The following LRRTM4 variants were observed in gnomAD, a reference collection of about 807,000 sequenced individuals.
LRRTM4 encodes leucine-rich repeat transmembrane neuronal protein 4.
LRRTM4 carries 25 observed loss-of-function variants against 47.6 expected under a neutral mutation model. The ratio of observed to expected loss-of-function variants is 0.53; its 90% CI spans 0.38 to 0.73. LRRTM4 has a LOEUF of 0.73. Among genes scored for constraint, LRRTM4 ranks in the 30% least tolerant of loss-of-function variants. The probability of loss-of-function intolerance (pLI) is 0.00; values close to 1 mark genes in which losing one functional copy is unlikely to be tolerated. For synonymous variants in LRRTM4, 311 were observed against 269.5 expected, an observed-to-expected ratio of 1.15 and a Z score of -1.51; for missense variants, 638 against 713.4, an observed-to-expected ratio of 0.89 and a Z score of 1.20.
chr2:77,382,403 G>C (rs1673088959), intron 3 of LRRTM4, among the ~76,000 whole-genome samples: 1 of 151,998 alleles, frequency 6.6e-6, no homozygotes, highest in Non-Finnish European at 1.5e-5. Context: ...ATTATCTGTG[G>C]AACTCTAAAG....
chr2:77,024,450 T>A (rs1170573512), intron 3 of LRRTM4, among the ~76,000 whole-genome samples: 1 of 150,360 alleles, frequency 6.7e-6, no homozygotes, highest in Non-Finnish European at 1.5e-5. Flanking sequence ...TATTCCAGCA[T>A]CCTACCTCAC....
chr2:77,490,511 T>C (rs1678103758), intron 3 of LRRTM4, among the ~76,000 whole-genome samples: 1 of 152,170 alleles, frequency 6.6e-6, no homozygotes, highest in African/African-American at 2.4e-5. Flanking sequence ...AGCAGTACTT[T>C]CTGGGAGGTG....
At chr2:77,109,913 A>G (rs978634899) in intron 3 of LRRTM4, among the ~76,000 whole-genome samples, 2 of 152,140 alleles carry the variant, frequency 1.3e-5, no homozygotes, top group Non-Finnish European at 2.9e-5. Flanking sequence ...ATAAATTGAA[A>G]GACAGATGTG....
intron 3 of LRRTM4, among the ~76,000 whole-genome samples, chr2:77,066,888 A>G (rs74606959): frequency 0.047 from 7,189 of 152,320 alleles, 200 homozygotes; most frequent in South Asian, 0.082. Flanking sequence ...TCCAGTACCC[A>G]TGCATGGCTG....
chr2:77,411,984 G>A (rs403085), intron 3 of LRRTM4, among the ~76,000 whole-genome samples: 13,502 of 152,036 alleles, frequency 0.089, 692 homozygotes, highest in Non-Finnish European at 0.11. Flanking sequence ...CTTGATTTTA[G>A]GAATGAACTG....
chr2:77,184,629 G>T (rs1267635617), intron 3 of LRRTM4, among the ~76,000 whole-genome samples: 1 of 151,988 alleles, frequency 6.6e-6, no homozygotes, highest in African/African-American at 2.4e-5. Context: ...CCTTAGATAG[G>T]TTCTGGGTCA....
intron 3 of LRRTM4, among the ~76,000 whole-genome samples, chr2:77,183,640 A>G (rs933115401): frequency 9.8e-5 from 15 of 152,294 alleles, no homozygotes; most frequent in African/African-American, 3.4e-4. Context: ...ACGTATGTTT[A>G]TTGTGGCACT....
intron 3 of LRRTM4, among the ~76,000 whole-genome samples, chr2:76,789,767 G>C (rs1674873170): frequency 6.6e-6 from 1 of 152,148 alleles, no homozygotes; most frequent in African/African-American, 2.4e-5. Context: ...GTTTCAAAGA[G>C]ATGGAAGTCA....
chr2:77,288,357 T>A (rs1676721377), intron 3 of LRRTM4, among the ~76,000 whole-genome samples: 1 of 151,768 alleles, frequency 6.6e-6, no homozygotes, highest in African/African-American at 2.4e-5. Flanking sequence ...AAAACTTGTT[T>A]GAAAAACAGT....
rs945080483 is a variant in LRRTM4 at position 76,943,759 on chromosome 2, A to G, written c.1552-194843T>C. Among the ~76,000 whole-genome samples the G allele has an allele frequency of 5.9e-5, 9 of 152,306 alleles. No homozygotes were observed. The East Asian group carries it at 1.7e-3, about 30-fold the overall frequency. Reference sequence around the variant, plus strand: ...CAAATCTACTTCTCCTCTATTATGCATCTGAATTATTAGCATGTAATCCAC... The same window carrying G: ...CAAATCTACTTCTCCTCTATTATGCGTCTGAATTATTAGCATGTAATCCAC... On this transcript the variant is annotated intron_variant, in intron 3 of 3. Transcript: ENST00000409884.
At chr2:76,957,168 C>A (rs961178200) in intron 3 of LRRTM4, among the ~76,000 whole-genome samples, 4 of 151,494 alleles carry the variant, frequency 2.6e-5, no homozygotes, top group Admixed American at 2.0e-4. Flanking sequence ...GATAGAAGGA[C>A]AAAAAATGCA....
chr2:77,485,460 T>G (rs1467255013), intron 3 of LRRTM4, among the ~76,000 whole-genome samples: 2 of 152,188 alleles, frequency 1.3e-5, no homozygotes, highest in African/African-American at 4.8e-5. Context: ...CAAGATATTT[T>G]TATATAGTTG....
intron 3 of LRRTM4, among the ~76,000 whole-genome samples, chr2:76,960,782 G>A (rs1433251327): frequency 6.6e-6 from 1 of 151,354 alleles, no homozygotes; most frequent in African/African-American, 2.4e-5. Context: ...TTTTTATATA[G>A]TTGCTTAAAT....
In LRRTM4 at chr2:76,965,037, A is replaced by T. The variant is rs1276169436; in HGVS notation, c.1552-216121T>A. ...CCATATCTATTAATGAAATTGAATA[A>T]ATGATTAATAACCTTCCAACCTTCC... On this transcript the variant is annotated intron_variant, in intron 3 of 3. Transcript: ENST00000409884. Among the ~76,000 whole-genome samples, 7 of 151,092 alleles carry T rather than the reference A, an allele frequency of 4.6e-5. No individual in the cohort carries two copies. The South Asian group carries it at 1.4e-3, about 31-fold the overall frequency.
At chr2:76,990,386 T>C (rs1346496719) in intron 3 of LRRTM4, among the ~76,000 whole-genome samples, 1 of 151,672 alleles carries the variant, frequency 6.6e-6, no homozygotes, top group Non-Finnish European at 1.5e-5. Flanking sequence ...GCAAGACCCA[T>C]CTGTCTGCTG....
chr2:76,820,235 C>G (rs1465317813), intron 3 of LRRTM4, among the ~76,000 whole-genome samples: 1 of 151,814 alleles, frequency 6.6e-6, no homozygotes, highest in East Asian at 1.9e-4. Context: ...GTTGGATAAT[C>G]TACTTTGTCC....
In LRRTM4 at chr2:77,519,931, C is replaced by T; in HGVS notation, c.5-67G>A. 1 of 1,472,424 alleles carries T rather than the reference C, an allele frequency of 6.8e-7. No individual in the cohort carries two copies. The highest frequency in any genetic ancestry group is 2.5e-5 in the East Asian group (1 of 40,354). The allele number at this position is 1,472,424 out of a possible 1,614,324, so 91.2% of individuals were successfully genotyped here. On this transcript the variant is annotated intron_variant, in intron 2 of 3. Coordinates refer to ENST00000409884, the MANE Select transcript of LRRTM4 (RefSeq NM_001134745.3). The surrounding 1 kb of genome is among the most constrained non-coding windows in gnomAD (Gnocchi z 4.6). Reference sequence around the variant, plus strand: ...TTAAAATAAATCACCGTCGGTTTACCAACAACAGGGGCATTTCCTCTAGTG... The same window carrying T: ...TTAAAATAAATCACCGTCGGTTTACTAACAACAGGGGCATTTCCTCTAGTG...
chr2:77,341,596 G>A (rs530639146), intron 3 of LRRTM4, among the ~76,000 whole-genome samples: 1 of 152,198 alleles, frequency 6.6e-6, no homozygotes, highest in East Asian at 1.9e-4. Context: ...AACCACGCAT[G>A]CTGCGGTTTA....
At chr2:76,749,213 G>A (rs1439025555) in intron 3 of LRRTM4, among the ~76,000 whole-genome samples, 1 of 152,046 alleles carries the variant, frequency 6.6e-6, no homozygotes, top group Non-Finnish European at 1.5e-5. Context: ...AATGCCCAGG[G>A]AATTTTAAAA....
Sources: allele counts gnomAD v4.1 joint callset (sites outside exome capture counted in the v4.1 genomes callset), GRCh38; gene constraint gnomAD v4.1.1; non-coding constraint Gnocchi (gnomAD v3.1); transcripts MANE v1.5; gene names NCBI Gene and HGNC (gene_info 2026-07-23, HGNC 2026-07-21).